Variants in PTPRO observed in about 807,000 individuals in gnomAD.
PTPRO encodes receptor-type tyrosine-protein phosphatase O.
Under a neutral mutation model 145.2 loss-of-function variants are expected in PTPRO, and 62 were observed. The observed-to-expected ratio is 0.43, with a 90% CI of 0.35 to 0.53. The LOEUF is 0.53. Among genes scored for constraint, PTPRO ranks in the 20% least tolerant of loss-of-function variants. The pLI is 0.01. For missense variants in PTPRO, 1,345 were observed against 1,482.7 expected (o/e 0.91, Z 1.53); for synonymous variants, 565 against 514.7 (o/e 1.10, Z -1.32).
At chr12:15,369,016 GC>G (rs577595656) in intron 1 of PTPRO, among the ~76,000 whole-genome samples, 47 of 152,168 alleles carry the variant, frequency 3.1e-4, no homozygotes, top group Non-Finnish European at 5.7e-4. Flanking sequence ...CACTGAGGAA[GC>G]CTGTTAGATG....
chr12:15,508,198 A>G (rs891663262), intron 6 of PTPRO, among the ~76,000 whole-genome samples: 7 of 152,200 alleles, frequency 4.6e-5, no homozygotes, highest in African/African-American at 1.4e-4. Flanking sequence ...ATTCCTAGAG[A>G]TCAAAGATCC....
At chr12:15,525,438 C>T (rs935219223) in intron 11 of PTPRO, among the ~76,000 whole-genome samples, 4 of 152,122 alleles carry the variant, frequency 2.6e-5, no homozygotes, top group Non-Finnish European at 2.9e-5. Flanking sequence ...AAGTTTATAC[C>T]TCTCCCATGA....
At chr12:15,454,587 A>G (rs963111094) in intron 1 of PTPRO, among the ~76,000 whole-genome samples, 2 of 149,616 alleles carry the variant, frequency 1.3e-5, no homozygotes, top group African/African-American at 5.1e-5. Context: ...TCTGTTGTCT[A>G]TATAGTCTGT....
At chr12:15,522,152 C>T (rs1288589993) in intron 10 of PTPRO, among the ~76,000 whole-genome samples, 6 of 151,832 alleles carry the variant, frequency 4.0e-5, no homozygotes, top group Admixed American at 3.9e-4. Flanking sequence ...AGAATTAAAT[C>T]ATGTAATGTA....
chr12:15,414,238 C>T (rs757617225), intron 1 of PTPRO, among the ~76,000 whole-genome samples: 8 of 152,176 alleles, frequency 5.3e-5, no homozygotes, highest in Non-Finnish European at 1.0e-4. Context: ...ATATGAACAA[C>T]GTTCATAACA....
intron 1 of PTPRO, among the ~76,000 whole-genome samples, chr12:15,347,548 G>A (rs1434970253): frequency 6.6e-6 from 1 of 152,086 alleles, no homozygotes; most frequent in Admixed American, 6.5e-5. Context: ...GCCTTCTAAG[G>A]GAGGGACCAT....
chr12:15,498,415 G>T (rs186883874), intron 3 of PTPRO, among the ~76,000 whole-genome samples: 19 of 152,130 alleles, frequency 1.2e-4, no homozygotes, highest in South Asian at 6.2e-4. Flanking sequence ...AAATCTAGCC[G>T]GGCGTGGTGG....
intron 1 of PTPRO, among the ~76,000 whole-genome samples, chr12:15,389,593 T>C (rs1939132630): frequency 6.6e-6 from 1 of 152,214 alleles, no homozygotes; most frequent in African/African-American, 2.4e-5. Flanking sequence ...AGTAAATTGC[T>C]GTTATCCATT....
At chr12:15,464,874 C>T (rs1268782715) in intron 1 of PTPRO, among the ~76,000 whole-genome samples, 1 of 152,016 alleles carries the variant, frequency 6.6e-6, no homozygotes, top group Non-Finnish European at 1.5e-5. Flanking sequence ...AAATTTTCAA[C>T]ATTGTCATTA....
At chr12:15,450,667 G>A (rs559609979) in intron 1 of PTPRO, among the ~76,000 whole-genome samples, 4 of 152,074 alleles carry the variant, frequency 2.6e-5, no homozygotes, top group Non-Finnish European at 5.9e-5. Flanking sequence ...CAGCAACTTG[G>A]GAGGCTGGGG....
chr12:15,551,820 A>G, intron 15 of PTPRO, 149 bp downstream of exon 15: 1 of 833,456 alleles, frequency 1.2e-6, no homozygotes, highest in Non-Finnish European at 1.9e-6. Flanking sequence ...TTTTCTAAAT[A>G]GACTTCGAAA....
At chr12:15,385,438 G>T (rs1348516866) in intron 1 of PTPRO, among the ~76,000 whole-genome samples, 2 of 152,138 alleles carry the variant, frequency 1.3e-5, no homozygotes, top group African/African-American at 4.8e-5. Context: ...ACCCAGAAAG[G>T]TATACACTTG....
chr12:15,576,003 C>T (rs1395471658), intron 19 of PTPRO, among the ~76,000 whole-genome samples: 4 of 152,148 alleles, frequency 2.6e-5, no homozygotes, highest in East Asian at 1.9e-4. Flanking sequence ...AGGAGGTAGA[C>T]GTATCTTTTT....
At chr12:15,391,662 G>A (rs549086464) in intron 1 of PTPRO, among the ~76,000 whole-genome samples, 11 of 152,286 alleles carry the variant, frequency 7.2e-5, no homozygotes, top group South Asian at 2.1e-4. Flanking sequence ...CTTGGCTACC[G>A]CAATGGCATG....
intron 1 of PTPRO, among the ~76,000 whole-genome samples, chr12:15,334,528 T>C (rs1301295394): frequency 1.3e-5 from 2 of 152,180 alleles, no homozygotes; most frequent in East Asian, 3.9e-4. Context: ...AATAATTCAG[T>C]ATTTCTCTGG....
In PTPRO at chr12:15,546,589, C is replaced by G; in HGVS notation, c.2185C>G (p.Leu729Val). ...CTCAGAACCAGCTCCACCCAAATCACTCTTCGCAGTGAACAAAACCCAGAC... is the reference window on the plus strand; with the variant it reads ...CTCAGAACCAGCTCCACCCAAATCAGTCTTCGCAGTGAACAAAACCCAGAC... ...VKLEPAPPKS[L>V]FAVNKTQTSV... is the part of the protein sequence containing the mutation. Residue 729 changes from leucine (L) to valine (V), a missense_variant, in exon 13 of 27, where the codon CTC becomes GTC. Leu to Val is a conservative substitution (Grantham distance 32). This residue lies in a region of PTPRO where 1,130 missense variants were observed against 1,214.7 expected (regional missense o/e 0.93). Coordinates refer to ENST00000281171, the MANE Select transcript of PTPRO (RefSeq NM_030667.3). The G allele has an allele frequency of 6.2e-7, 1 of 1,610,402 alleles. No individual in the cohort carries two copies. Among genetic ancestry groups the G allele is most frequent in the Non-Finnish European group, 8.5e-7 (1 of 1,178,038 alleles).
intron 5 of PTPRO, 89 bp downstream of exon 5, chr12:15,502,152 T>C (rs543107381): frequency 7.9e-7 from 1 of 1,262,352 alleles, no homozygotes; most frequent in African/African-American, 1.5e-5. Context: ...GAAAGACTGA[T>C]CATAGACAGT....
At chr12:15,498,415 G>C (rs186883874) in intron 3 of PTPRO, among the ~76,000 whole-genome samples, 2 of 152,012 alleles carry the variant, frequency 1.3e-5, no homozygotes, top group South Asian at 2.1e-4. Flanking sequence ...AAATCTAGCC[G>C]GGCGTGGTGG....
chr12:15,374,398 G>A (rs1416772567), intron 1 of PTPRO, among the ~76,000 whole-genome samples: 1 of 145,492 alleles, frequency 6.9e-6, no homozygotes, highest in Non-Finnish European at 1.5e-5. Flanking sequence ...AATTTGAGGA[G>A]TGTTTTATTT....
Sources: gnomAD v4.1 joint callset for allele counts (sites outside exome capture counted in the v4.1 genomes callset) on GRCh38, gnomAD v4.1.1 for gene constraint, gnomAD v4.1.1 regional missense constraint, MANE v1.5 for transcripts, NCBI Gene and HGNC (gene_info 2026-07-23, HGNC 2026-07-21) for gene names.